DLC1: variants seen among roughly 807,000 people sequenced by gnomAD.
DLC1 encodes DLC1 Rho GTPase activating protein.
Under a neutral mutation model 140.3 loss-of-function variants are expected in DLC1, and 54 were observed. The observed-to-expected ratio is 0.38, with a 90% CI of 0.31 to 0.48. The LOEUF is 0.48. Ranked by LOEUF, DLC1 falls within the 20% of genes least tolerant of loss-of-function variation. DLC1 has a pLI of 0.96. For missense variants in DLC1, 2,536 were observed against 1,907.0 expected (o/e 1.33, Z -6.14); for synonymous variants, 986 against 728.1 (o/e 1.35, Z -5.70).
At chr8:13,387,016 T>C (rs537418027) in intron 4 of DLC1, among the ~76,000 whole-genome samples, 1 of 152,194 alleles carries the variant, frequency 6.6e-6, no homozygotes, top group East Asian at 1.9e-4. Context: ...CTATTACATT[T>C]GTGTTTAAAT....
intron 2 of DLC1, among the ~76,000 whole-genome samples, chr8:13,441,130 C>G (rs539616182): frequency 6.6e-6 from 1 of 152,288 alleles, no homozygotes; most frequent in African/African-American, 2.4e-5. Context: ...TGCCCAGATG[C>G]AGAAAAGGAC....
At chr8:13,399,016 T>A (rs988917331) in intron 3 of DLC1, among the ~76,000 whole-genome samples, 2 of 152,034 alleles carry the variant, frequency 1.3e-5, no homozygotes, top group African/African-American at 4.8e-5. Flanking sequence ...TGGGAGAAGA[T>A]CCAGGGAGAC....
At chr8:13,391,017 C>G (rs1430583985) in intron 4 of DLC1, among the ~76,000 whole-genome samples, 1 of 141,828 alleles carries the variant, frequency 7.1e-6, no homozygotes, top group African/African-American at 2.6e-5. Context: ...GAAAAAATAG[C>G]CTGTTTTTCA....
intron 5 of DLC1, among the ~76,000 whole-genome samples, chr8:13,255,086 C>T (rs564341215): frequency 1.1e-4 from 16 of 152,084 alleles, no homozygotes; most frequent in African/African-American, 3.4e-4. Context: ...AAGTGATTCT[C>T]CTGCCTCAGC....
At chr8:13,396,621 A>G (rs965311558) in intron 3 of DLC1, among the ~76,000 whole-genome samples, 6 of 152,174 alleles carry the variant, frequency 3.9e-5, no homozygotes, top group African/African-American at 1.4e-4. Flanking sequence ...TCGTATCCCA[A>G]GGTAGAGCTG....
chr8:13,270,846 G>T (rs1361449167), intron 5 of DLC1, among the ~76,000 whole-genome samples: 2 of 152,134 alleles, frequency 1.3e-5, no homozygotes, highest in African/African-American at 2.4e-5. Context: ...ATCAAGAACT[G>T]AAACTGAAGG....
chr8:13,460,157 T>C (rs887223648), intron 2 of DLC1, among the ~76,000 whole-genome samples: 1 of 152,194 alleles, frequency 6.6e-6, no homozygotes, highest in Admixed American at 6.5e-5. Flanking sequence ...ACCTGATATG[T>C]CTTATCCTGA....
chr8:13,598,515 A>G (rs971379742), intron 1 of DLC1, among the ~76,000 whole-genome samples: 1 of 152,066 alleles, frequency 6.6e-6, no homozygotes, highest in Non-Finnish European at 1.5e-5. Context: ...TTTTAGAATA[A>G]CCTACTATTT....
chr8:13,099,594 C>T lies in DLC1; in HGVS notation c.2743G>A (p.Gly915Arg). 6.2e-7 allele frequency: 1 copy of T among 1,614,214 alleles called. No homozygotes were observed. The highest frequency in any genetic ancestry group is 2.2e-5 in the East Asian group (1 of 44,876). ...ELDDILYHVK[G>R]MQRIVNQWSE... ...CACTGATTGACTATCCGCTGCATCC[C>T]CTTCACGTGGTAGAGGATGTCGTCC... The change falls in exon 9 of 18, where the codon GGG (glycine) becomes AGG (arginine). Residue 915 changes from glycine to arginine, a missense_variant. Coordinates refer to ENST00000276297, the MANE Select transcript of DLC1 (RefSeq NM_182643.3).
intron 2 of DLC1, among the ~76,000 whole-genome samples, chr8:13,403,480 T>C (rs1169385782): frequency 1.3e-5 from 2 of 152,220 alleles, no homozygotes; most frequent in Admixed American, 6.5e-5. Flanking sequence ...ATATAATTTC[T>C]TTTTCTTTTA....
chr8:13,354,519 A>G (rs1225321612), intron 4 of DLC1, among the ~76,000 whole-genome samples: 1 of 30,626 alleles, frequency 3.3e-5, no homozygotes, highest in Non-Finnish European at 7.4e-5. Flanking sequence ...GAATGTCTTT[A>G]GAAGTTAAAA....
chr8:13,241,492 C>G (rs1377344674), intron 5 of DLC1, among the ~76,000 whole-genome samples: 1 of 152,024 alleles, frequency 6.6e-6, no homozygotes, highest in Admixed American at 6.6e-5. Context: ...GTTTGGTATT[C>G]TAGGTCAGGT....
intron 5 of DLC1, among the ~76,000 whole-genome samples, chr8:13,249,087 T>A (rs547997982): frequency 6.6e-6 from 1 of 152,304 alleles, no homozygotes; most frequent in South Asian, 2.1e-4. Flanking sequence ...TTTCTTTTTT[T>A]TCCTTTGAGA....
chr8:13,464,063 A>T (rs577943378), intron 2 of DLC1, among the ~76,000 whole-genome samples: 2 of 152,230 alleles, frequency 1.3e-5, no homozygotes, highest in Non-Finnish European at 2.9e-5. Context: ...AAAAAATTGC[A>T]GGGCACATTG....
At chr8:13,385,698 G>A (rs981591419) in intron 4 of DLC1, among the ~76,000 whole-genome samples, 57 of 152,082 alleles carry the variant, frequency 3.7e-4, no homozygotes, top group African/African-American at 1.4e-3. Context: ...TTGAAATTTG[G>A]TATGTGATTG....
At chr8:13,188,284 A>G (rs575203302) in intron 5 of DLC1, among the ~76,000 whole-genome samples, 6 of 151,274 alleles carry the variant, frequency 4.0e-5, no homozygotes, top group Non-Finnish European at 8.8e-5. Context: ...GTTTCACCAC[A>G]TTGGCCAGGC....
chr8:13,445,023 A>G (rs552920216), intron 2 of DLC1, among the ~76,000 whole-genome samples: 1 of 152,024 alleles, frequency 6.6e-6, no homozygotes, highest in Non-Finnish European at 1.5e-5. Context: ...GGTAGGAGAG[A>G]CAGAGATTGA....
chr8:13,378,150 T>TGGC (rs1246297780), intron 4 of DLC1, among the ~76,000 whole-genome samples: 16 of 142,106 alleles, frequency 1.1e-4, no homozygotes, highest in African/African-American at 4.0e-4. Flanking sequence ...TACATATGTA[T>TGGC]ACATGTGCCA....
intron 5 of DLC1, among the ~76,000 whole-genome samples, chr8:13,247,614 G>T (rs1266853695): frequency 1.3e-5 from 2 of 152,110 alleles, no homozygotes; most frequent in Admixed American, 6.6e-5. Flanking sequence ...AAATCCCACA[G>T]GTTTATCTCC....
Sources: allele counts gnomAD v4.1 joint callset (sites outside exome capture counted in the v4.1 genomes callset), GRCh38; gene constraint gnomAD v4.1.1; transcripts MANE v1.5; gene names NCBI Gene and HGNC (gene_info 2026-07-23, HGNC 2026-07-21).